Variants in UCHL1 observed in about 807,000 individuals in gnomAD.
UCHL1 encodes ubiquitin C-terminal hydrolase L1, also known as ubiquitin carboxyl-terminal hydrolase isozyme L1.
UCHL1 carries 5 observed loss-of-function variants against 33.3 expected under a neutral mutation model. The observed-to-expected ratio is 0.15, with a 90% CI of 0.08 to 0.32. UCHL1 has a LOEUF of 0.32. Ranked by LOEUF, UCHL1 falls within the 10% of genes least tolerant of loss-of-function variation. The pLI is 1.00. For missense variants in UCHL1, 236 were observed against 280.0 expected (o/e 0.84, Z 1.12); for synonymous variants, 132 against 108.8 (o/e 1.21, Z -1.33).
chr4:41,268,189 C>A lies in UCHL1; in HGVS notation c.*116C>A. On this transcript the variant is annotated 3_prime_UTR_variant, in exon 9 of 9. Transcript: ENST00000284440. ...TGTGAAACACAGCTGTTCTTCTGTT[C>A]TGCAGACACGCCTTCCCCTCAGCCA... 1 of 1,010,812 alleles carries A rather than the reference C, an allele frequency of 9.9e-7. No individual in the cohort carries two copies. The highest frequency in any genetic ancestry group is 1.5e-6 in the Non-Finnish European group (1 of 662,742). 62.6% of individuals were successfully genotyped at this position (1,010,812 alleles called of 1,614,324 possible).
At chr4:41,267,345 G>A (rs1384019468) in intron 8 of UCHL1, among the ~76,000 whole-genome samples, 1 of 152,100 alleles carries the variant, frequency 6.6e-6, no homozygotes, top group Non-Finnish European at 1.5e-5. Flanking sequence ...CTGGGTTCAC[G>A]CCATTCTCCT....
At position 41,268,129 on chromosome 4, in the gene UCHL1, A is replaced by G. The variant is rs1781184006; in HGVS notation, c.*56A>G. On this transcript the variant is annotated 3_prime_UTR_variant, in exon 9 of 9. Transcript: ENST00000284440. ...CCTCTTCCCTTCAACATGAAAATATATACCCCCCCATGCAGTCTAAAATGC... is the reference window on the plus strand; with the variant it reads ...CCTCTTCCCTTCAACATGAAAATATGTACCCCCCCATGCAGTCTAAAATGC... The G allele has an allele frequency of 6.7e-7, 1 of 1,487,632 alleles. No individual in the cohort carries two copies. Among genetic ancestry groups the G allele is most frequent in the African/African-American group, 1.4e-5 (1 of 72,830 alleles). The allele number at this position is 1,487,632 out of a possible 1,614,324, so 92.2% of individuals were successfully genotyped here.
chr4:41,259,469 A>C (rs1027180077), intron 3 of UCHL1, among the ~76,000 whole-genome samples: 1 of 152,214 alleles, frequency 6.6e-6, no homozygotes, highest in Non-Finnish European at 1.5e-5. Context: ...TACTAAGTTG[A>C]GGATCCAGTT....
At chr4:41,257,067 G>A (rs755648455) in intron 1 of UCHL1, 48 bp from the exon 2 acceptor site, 15 of 1,614,022 alleles carry the variant, frequency 9.3e-6, no homozygotes, top group Non-Finnish European at 1.3e-5. Flanking sequence ...GGGGAGCCGA[G>A]TCGCTGATCG....
intron 8 of UCHL1, among the ~76,000 whole-genome samples, chr4:41,265,775 G>A (rs2154087310): frequency 6.6e-6 from 1 of 152,286 alleles, no homozygotes; most frequent in African/African-American, 2.4e-5. Context: ...ACACACCTGA[G>A]ATCAGTTAAA....
chr4:41,258,029 TC>T (rs980148661), intron 3 of UCHL1, among the ~76,000 whole-genome samples: 3 of 152,334 alleles, frequency 2.0e-5, no homozygotes, highest in East Asian at 3.9e-4. Context: ...ACTCATGAGT[TC>T]CCTCGAACTT....
At position 41,266,226 on chromosome 4, in the gene UCHL1, C is replaced by CTTT. The variant is rs71650920; in HGVS notation, c.586-1742_586-1740dup. ...CGTGAGCCACAGTACCTGGCTAAAA[C>CTTT]TTTTTTTTTTTTTTTTTTTTTAACT... On this transcript the variant is annotated intron_variant, in intron 8 of 8. Transcript: ENST00000284440. Among the ~76,000 whole-genome samples, 8 of 136,786 alleles carry CTTT rather than the reference C, an allele frequency of 5.8e-5. No homozygotes were observed. In the East Asian group the frequency reaches 6.2e-4, roughly 11 times the overall value. 89.7% of individuals were successfully genotyped at this position (136,786 alleles called of 152,430 possible).
intron 8 of UCHL1, chr4:41,264,454 C>T: frequency 4.2e-6 from 2 of 477,334 alleles, no homozygotes; most frequent in Non-Finnish European, 3.8e-6. Context: ...TTAAGGTGAC[C>T]ATTGTCCTCC....
chr4:41,257,759 G>T, intron 3 of UCHL1, 22 bp downstream of exon 3: 1 of 1,556,630 alleles, frequency 6.4e-7, no homozygotes. Context: ...GGCCCAGGAT[G>T]CGCCGGCCGC....
At chr4:41,257,169 G>A in intron 2 of UCHL1, 43 bp downstream of exon 2, 1 of 1,611,244 alleles carries the variant, frequency 6.2e-7, no homozygotes, top group Non-Finnish European at 8.5e-7. Flanking sequence ...TCCCCCGCGA[G>A]CGCCGAGGCG....
chr4:41,257,695 G>C lies in UCHL1; in HGVS notation c.132G>C (p.Ala44=). Residue 44 remains alanine (A), a synonymous_variant, in exon 3 of 9, where the codon GCG becomes GCC. Coordinates refer to ENST00000284440, the MANE Select transcript of UCHL1 (RefSeq NM_004181.5). ...LEEESLGSVP[A]PACALLLLFP... is the part of the protein sequence containing the mutation. ...AGGAGTCTCTGGGCTCGGTGCCAGC[G>C]CCTGCCTGCGCGCTGCTGCTGCTGT... 1 of 1,578,328 alleles carries C rather than the reference G, an allele frequency of 6.3e-7. No individual in the cohort carries two copies. Among genetic ancestry groups the C allele is most frequent in the South Asian group, 1.2e-5 (1 of 86,502 alleles).
intron 8 of UCHL1, chr4:41,264,422 G>A (rs1781122319): frequency 4.5e-5 from 24 of 533,334 alleles, no homozygotes; most frequent in South Asian, 4.5e-4. Context: ...CCTGAAAGCT[G>A]TTGCTTTGCT....
intron 7 of UCHL1, among the ~76,000 whole-genome samples, chr4:41,263,802 C>G (rs1781111240): frequency 6.6e-6 from 1 of 152,238 alleles, no homozygotes. Context: ...TCTTCCCTAT[C>G]CCCAGAGACT....
intron 8 of UCHL1, among the ~76,000 whole-genome samples, chr4:41,265,307 AG>A (rs1781134117): frequency 6.6e-6 from 1 of 152,240 alleles, no homozygotes; most frequent in African/African-American, 2.4e-5. Context: ...GGCAAGGTGC[AG>A]TGGCTCATGC....
At chr4:41,264,245 A>G in intron 8 of UCHL1, 84 bp downstream of exon 8, 4 of 1,552,194 alleles carry the variant, frequency 2.6e-6, no homozygotes, top group Non-Finnish European at 3.6e-6. Flanking sequence ...ACACTCTTCC[A>G]GTATAGCCAG....
In UCHL1 at chr4:41,261,715, A is replaced by G. The variant is rs1346844125; in HGVS notation, c.326A>G (p.Glu109Gly). The G allele has an allele frequency of 6.2e-7, 1 of 1,610,272 alleles. No homozygotes were observed. The highest frequency in any genetic ancestry group is 1.3e-5 in the African/African-American group (1 of 74,790). ...CTAACACATCCATTTTTTTTTTAAG[A>G]GGATGGATCAGTTCTGAAACAGTTT... ...VANNQDKLGFEDGSVLKQFLS... is the reference protein window; with the variant it reads ...VANNQDKLGFGDGSVLKQFLS... The change falls in exon 5 of 9, where the codon GAG becomes GGG. Residue 109 changes from glutamate (E) to glycine (G), a missense_variant and splice_region_variant. Glu to Gly is a moderately conservative substitution (Grantham distance 98). Coordinates refer to ENST00000284440, the MANE Select transcript of UCHL1 (RefSeq NM_004181.5).
intron 4 of UCHL1, among the ~76,000 whole-genome samples, 175 bp from the exon 5 acceptor site, chr4:41,261,540 A>G (rs760198130): frequency 6.6e-6 from 1 of 152,186 alleles, no homozygotes; most frequent in Non-Finnish European, 1.5e-5. Flanking sequence ...AAAGCAGTGA[A>G]TAGAGAGGGG....
Position 41,263,308 on chromosome 4 carries a change from T to C in UCHL1, c.526+17T>C. On this transcript the variant is annotated intron_variant, in intron 7 of 8. Transcript: ENST00000284440. ...ATGAACTTGGTATGTTTTACTCCAT[T>C]TTTGGAACCCAGTGTAGTTTCATGT... The C allele has an allele frequency of 6.2e-7, 1 of 1,611,930 alleles. No individual in the cohort carries two copies. Among genetic ancestry groups the C allele is most frequent in the Non-Finnish European group, 8.5e-7 (1 of 1,178,026 alleles).
intron 3 of UCHL1, among the ~76,000 whole-genome samples, chr4:41,258,852 G>T (rs1228090658): frequency 6.6e-6 from 1 of 152,156 alleles, no homozygotes; most frequent in African/African-American, 2.4e-5. Context: ...TCTTTTACTT[G>T]GGCTAAAAGG....
Sources: gnomAD v4.1 joint callset for allele counts (sites outside exome capture counted in the v4.1 genomes callset) on GRCh38, gnomAD v4.1.1 for gene constraint, MANE v1.5 for transcripts, NCBI Gene and HGNC (gene_info 2026-07-23, HGNC 2026-07-21) for gene names.